Variants in NKAIN2 observed in about 807,000 individuals in gnomAD.
The protein encoded by NKAIN2 is sodium/potassium transporting ATPase interacting 2.
In NKAIN2, 14 loss-of-function variants were observed where a neutral mutation model predicts 32.6. That is an observed-to-expected ratio of 0.43 (90% confidence interval 0.28 to 0.67). NKAIN2 has a LOEUF of 0.67. NKAIN2 is among the 30% of genes least tolerant of loss of function. NKAIN2 has a pLI of 0.17. For missense variants in NKAIN2, 198 were observed against 258.3 expected (o/e 0.77, Z 1.60); for synonymous variants, 80 against 87.2 (o/e 0.92, Z 0.46).
chr6:124,312,092 A>T (rs1410557330), intron 2 of NKAIN2, among the ~76,000 whole-genome samples: 2 of 152,178 alleles, frequency 1.3e-5, no homozygotes, highest in African/African-American at 4.8e-5. Context: ...TTATTTGCAT[A>T]CATGGGAGTA....
chr6:124,019,553 G>A (rs1219942105), intron 1 of NKAIN2, among the ~76,000 whole-genome samples: 2 of 152,060 alleles, frequency 1.3e-5, no homozygotes, highest in Admixed American at 1.3e-4. Context: ...GAGTCTACTT[G>A]CCAGAGTAGT....
chr6:124,823,915 G>A lies in NKAIN2; in HGVS notation c.*686G>A, dbSNP rs959134187. The stretch of plus-strand genomic sequence containing the variant: ...CTGTGTGTTTCATGTCAAGGAACAA[G>A]ACTGAATAGCTCAGCAGCTCCAGTG... On this transcript the variant is annotated 3_prime_UTR_variant, in exon 7 of 7. Transcript: ENST00000368417. The A allele has an allele frequency of 2.0e-5, 3 of 152,242 alleles. No individual in the cohort carries two copies. The highest frequency in any genetic ancestry group is 7.2e-5 in the African/African-American group (3 of 41,442). The allele number at this position is 152,242 out of a possible 1,614,324, so 9.4% of individuals were successfully genotyped here. A position where few individuals can be genotyped will look rare whatever the true frequency, so the allele number is the denominator to read the frequency against.
intron 3 of NKAIN2, among the ~76,000 whole-genome samples, chr6:124,383,629 C>G (rs532709461): frequency 6.6e-6 from 1 of 152,138 alleles, no homozygotes; most frequent in South Asian, 2.1e-4. Context: ...TGGATAAACT[C>G]CATTTACACA....
chr6:123,933,000 AC>A (rs767363055), intron 1 of NKAIN2, among the ~76,000 whole-genome samples: 5 of 151,894 alleles, frequency 3.3e-5, no homozygotes, highest in African/African-American at 4.8e-5. Flanking sequence ...CCCACGACAT[AC>A]CTATCTCCTC....
intron 1 of NKAIN2, among the ~76,000 whole-genome samples, chr6:124,212,179 G>A (rs1477719659): frequency 6.6e-6 from 1 of 151,878 alleles, no homozygotes; most frequent in Admixed American, 6.6e-5. Context: ...CTTGCCTAAG[G>A]CATTAATTCT....
chr6:124,048,878 G>A (rs1438340556), intron 1 of NKAIN2, among the ~76,000 whole-genome samples: 1 of 151,988 alleles, frequency 6.6e-6, no homozygotes, highest in East Asian at 1.9e-4. Context: ...GTCTTTTTGG[G>A]TCTCTATTGA....
chr6:124,644,307 T>C (rs1360722926), intron 3 of NKAIN2, among the ~76,000 whole-genome samples: 2 of 152,158 alleles, frequency 1.3e-5, no homozygotes, highest in Non-Finnish European at 2.9e-5. Flanking sequence ...ATTTAAAAGT[T>C]TTATCATGTT....
intron 1 of NKAIN2, among the ~76,000 whole-genome samples, chr6:124,097,916 A>G (rs1413029961): frequency 6.6e-6 from 1 of 152,184 alleles, no homozygotes; most frequent in Non-Finnish European, 1.5e-5. Flanking sequence ...TTTACGCTGA[A>G]ACCTGATATC....
At chr6:123,829,793 G>A (rs556205783) in intron 1 of NKAIN2, among the ~76,000 whole-genome samples, 4 of 152,290 alleles carry the variant, frequency 2.6e-5, no homozygotes, top group South Asian at 2.1e-4. Flanking sequence ...TCAACGTAAC[G>A]AAAAGTCAGC....
At chr6:124,087,196 C>T (rs1177688792) in intron 1 of NKAIN2, among the ~76,000 whole-genome samples, 1 of 151,810 alleles carries the variant, frequency 6.6e-6, no homozygotes, top group East Asian at 1.9e-4. Context: ...TAAATAGATA[C>T]ATGAAAAGTA....
intron 3 of NKAIN2, among the ~76,000 whole-genome samples, chr6:124,477,253 G>A (rs577256110): frequency 3.9e-5 from 6 of 152,224 alleles, no homozygotes; most frequent in African/African-American, 7.2e-5. Flanking sequence ...TAAGTGCTCC[G>A]TAGCTTAATT....
chr6:124,319,401 G>A (rs2753171), intron 2 of NKAIN2, among the ~76,000 whole-genome samples: 1 of 152,010 alleles, frequency 6.6e-6, no homozygotes, highest in East Asian at 1.9e-4. Context: ...CAGATTAAGA[G>A]AAGTCTAGCT....
intron 3 of NKAIN2, among the ~76,000 whole-genome samples, chr6:124,657,650 A>T (rs1472414658): frequency 1.3e-5 from 2 of 152,098 alleles, no homozygotes; most frequent in Non-Finnish European, 2.9e-5. Flanking sequence ...AAATAACAGG[A>T]AGAGGGGGAA....
At chr6:124,559,156 TGAA>T (rs1251922101) in intron 3 of NKAIN2, among the ~76,000 whole-genome samples, 1 of 152,164 alleles carries the variant, frequency 6.6e-6, no homozygotes, top group African/African-American at 2.4e-5. Context: ...ATATGAATCT[TGAA>T]GTAGCAAGGT....
chr6:124,205,534 G>A (rs574467890), intron 1 of NKAIN2, among the ~76,000 whole-genome samples: 26 of 151,108 alleles, frequency 1.7e-4, no homozygotes, highest in African/African-American at 4.6e-4. Flanking sequence ...TCACTAAGTC[G>A]TTCATATCCT....
intron 2 of NKAIN2, among the ~76,000 whole-genome samples, chr6:124,299,908 C>T (rs73773724): frequency 0.024 from 3,689 of 152,214 alleles, 142 homozygotes; most frequent in African/African-American, 0.084. Context: ...CCAGTATGTG[C>T]GATGTTTCAC....
At chr6:123,814,824 G>A (rs760170522) in intron 1 of NKAIN2, among the ~76,000 whole-genome samples, 1 of 152,146 alleles carries the variant, frequency 6.6e-6, no homozygotes, top group Admixed American at 6.6e-5. Flanking sequence ...TGCAATGGAT[G>A]AAGAGCCAGA....
intron 1 of NKAIN2, among the ~76,000 whole-genome samples, chr6:124,088,025 G>A (rs1784260568): frequency 6.6e-6 from 1 of 151,930 alleles, no homozygotes; most frequent in African/African-American, 2.4e-5. Flanking sequence ...TTGCTTTTAG[G>A]ATTTCTTTCA....
At chr6:124,422,999 A>C (rs1291981942) in intron 3 of NKAIN2, among the ~76,000 whole-genome samples, 1 of 152,228 alleles carries the variant, frequency 6.6e-6, no homozygotes, top group African/African-American at 2.4e-5. Flanking sequence ...AAAATAGGAA[A>C]ACACATACAT....
Sources: allele counts gnomAD v4.1 joint callset (sites outside exome capture counted in the v4.1 genomes callset), GRCh38; gene constraint gnomAD v4.1.1; transcripts MANE v1.5; gene names NCBI Gene and HGNC (gene_info 2026-07-23, HGNC 2026-07-21).